NBPF26: variants seen among roughly 807,000 people sequenced by gnomAD.
NBPF26 encodes the protein NBPF member 26.
In NBPF26, 79 loss-of-function variants were observed where a neutral mutation model predicts 119.6. That is an observed-to-expected ratio of 0.66 (90% CI 0.55 to 0.80). The LOEUF (loss-of-function observed/expected upper bound fraction) is 0.80, where lower values mean the gene tolerates loss of function less well. Among genes scored for constraint, NBPF26 ranks in the 30% least tolerant of loss-of-function variants. The pLI is 0.00. For missense variants in NBPF26, 800 were observed against 1,198.2 expected (o/e 0.67, Z 4.91); for synonymous variants, 299 against 457.7 (o/e 0.65, Z 4.43).
downstream of NBPF26, chr1:120,840,741 A>G (rs1234993145): frequency 1.7e-6 from 2 of 1,156,182 alleles, no homozygotes; most frequent in Non-Finnish European, 1.2e-6. Context: ...AAACCATGCC[A>G]GTGGCAACCT....
At chr1:120,823,743 G>A (rs1455474529) in intron 17 of NBPF26, among the ~76,000 whole-genome samples, 1 of 43,736 alleles carries the variant, frequency 2.3e-5, no homozygotes. Context: ...CCAATTCACT[G>A]AGCTCGCTCT....
chr1:120,818,016 C>T, intron 14 of NBPF26, 107 bp from the exon 15 acceptor site: 1 of 496,474 alleles, frequency 2.0e-6, no homozygotes, highest in Non-Finnish European at 3.4e-6. Flanking sequence ...AATCCTTATT[C>T]TTGCACTGAG....
In NBPF26 at chr1:120,783,735, TA is replaced by T. The variant is rs1336817863; in HGVS notation, c.156-1236del. Reference sequence around the variant, plus strand: ...GAGAAAGAGCAGTGCAGTCCAGACTTAAACGTTAGGGTGGCCATAATATATG... The same window carrying T: ...GAGAAAGAGCAGTGCAGTCCAGACTTAACGTTAGGGTGGCCATAATATATG... On this transcript the variant is annotated intron_variant, in intron 2 of 29. Transcript: ENST00000620612. Among the ~76,000 whole-genome samples the T allele has an allele frequency of 3.4e-5, 4 of 117,270 alleles. 1 individual carries two copies. The highest frequency in any genetic ancestry group is 8.2e-5 in the Admixed American group (1 of 12,254). 76.9% of individuals were successfully genotyped at this position (117,270 alleles called of 152,430 possible).
intron 2 of NBPF26, among the ~76,000 whole-genome samples, chr1:120,769,578 T>A (rs1166538944): frequency 8.2e-6 from 1 of 122,488 alleles, no homozygotes; most frequent in Admixed American, 7.8e-5. Context: ...AAGAATGCTG[T>A]TTTTTTGGCT....
In NBPF26 at chr1:120,801,510, T is replaced by C. The variant is rs1382709584; in HGVS notation, c.752-4046T>C. On this transcript the variant is annotated intron_variant, in intron 4 of 29. Transcript: ENST00000620612. The stretch of plus-strand genomic sequence containing the variant: ...GGTGTCTTTCCACATCTCCATGCCT[T>C]GTATTTTCATTAAAAAAAAAAAAAA... Among the ~76,000 whole-genome samples, 33 of 70,550 alleles carry C rather than the reference T, an allele frequency of 4.7e-4. 3 individuals are homozygous for C. The highest frequency in any genetic ancestry group is 6.0e-4 in the Non-Finnish European group (23 of 38,542). The allele number at this position is 70,550 out of a possible 152,430, so 46.3% of individuals were successfully genotyped here. A position where few individuals can be genotyped will look rare whatever the true frequency, so the allele number is the denominator to read the frequency against.
intron 5 of NBPF26, 47 bp downstream of exon 5, chr1:120,805,812 G>A (rs1553269827): frequency 1.6e-6 from 2 of 1,260,426 alleles, no homozygotes; most frequent in Non-Finnish European, 2.2e-6. Flanking sequence ...ATGATATCCT[G>A]TCTTCTCTCT....
chr1:120,840,575 A>C lies in NBPF26; in HGVS notation c.4329A>C (p.Gly1443=), dbSNP rs1553273576. Residue 1443 remains glycine (G), a synonymous_variant, in exon 30 of 30, where the codon GGA becomes GGC. Transcript: ENST00000620612. ...GTCTCCACCTGGTGTTCCAGATGGG[A>C]GTCATATTCCCACAATAAGCAGCCC... The C allele has an allele frequency of 1.3e-5, 19 of 1,464,318 alleles. 4 individuals are homozygous for C. 90.7% of individuals were successfully genotyped at this position (1,464,318 alleles called of 1,614,324 possible).
chr1:120,730,642 G>A lies in NBPF26; in HGVS notation c.73+6392G>A, dbSNP rs1213388935. Among the ~76,000 whole-genome samples, 2 of 112,062 alleles carry A rather than the reference G, an allele frequency of 1.8e-5. 1 individual carries two copies. The highest frequency in any genetic ancestry group is 3.4e-5 in the Non-Finnish European group (2 of 59,606). 73.5% of individuals were successfully genotyped at this position (112,062 alleles called of 152,430 possible). On this transcript the variant is annotated intron_variant, in intron 1 of 29. Transcript: ENST00000620612. ...ATCTGTGTGGCAGAACATACATTGT[G>A]GTCTTAAAAAGGAGAGTAAAGCCAA...
rs1190542025 is a variant in NBPF26, at chr1:120,790,177, G to T, written c.416-2984G>T. The stretch of plus-strand genomic sequence containing the variant: ...ACTACAGGCACCTACCGCCATGCCC[G>T]GCTAATTTTTGTATTTTTAGTAGAG... On this transcript the variant is annotated intron_variant, in intron 3 of 29. Coordinates refer to ENST00000620612, the Ensembl canonical transcript of NBPF26. 2.1e-3 allele frequency among the ~76,000 whole-genome samples: 218 copies of T among 102,598 alleles called. 84 individuals are homozygous for T. Among genetic ancestry groups the T allele is most frequent in the African/African-American group, 0.014 (214 of 15,524 alleles). 67.3% of individuals were successfully genotyped at this position (102,598 alleles called of 152,430 possible). A position where few individuals can be genotyped will look rare whatever the true frequency, so the allele number is the denominator to read the frequency against.
chr1:120,756,007 G>A (rs1457739577), intron 1 of NBPF26, among the ~76,000 whole-genome samples: 6,068 of 104,712 alleles, frequency 0.058, 1,816 homozygotes, highest in African/African-American at 0.17. Flanking sequence ...TCTCCACTTC[G>A]TTTTTATTTA....
chr1:120,805,404 T>A, intron 4 of NBPF26, 152 bp from the exon 5 acceptor site: 1 of 1,221,636 alleles, frequency 8.2e-7, no homozygotes, highest in South Asian at 1.4e-5. Flanking sequence ...CTTGTTTTTG[T>A]GGTGAAGGAT....
chr1:120,758,549 A>G (rs1651100343), intron 1 of NBPF26, among the ~76,000 whole-genome samples: 1 of 102,566 alleles, frequency 9.7e-6, no homozygotes, highest in African/African-American at 6.3e-5. Flanking sequence ...TAAGAAAGAA[A>G]AGAAAAACCT....
At chr1:120,813,447 T>A (rs1480993454) in intron 10 of NBPF26, among the ~76,000 whole-genome samples, 2 of 127,724 alleles carry the variant, frequency 1.6e-5, no homozygotes, top group African/African-American at 7.4e-5. Flanking sequence ...TAAAAATCTT[T>A]CGCATACTTG....
Position 120,832,944 on chromosome 1 carries a change from GA to G in NBPF26, c.3336del (p.Glu1113LysfsTer43). On this transcript the variant is annotated frameshift_variant, in exon 23 of 30. Transcript: ENST00000620612. LOFTEE classifies it high-confidence loss of function. ...TCAAAGAAGGAAAGAAGAAGGGGAA[GA>G]AAAGAAGGGGAAGAAGATCAAAACC... 1 of 881,254 alleles carries G rather than the reference GA, an allele frequency of 1.1e-6. No individual in the cohort carries two copies. Among genetic ancestry groups the G allele is most frequent in the Non-Finnish European group, 1.8e-6 (1 of 571,148 alleles). The allele number at this position is 881,254 out of a possible 1,614,324, so 54.6% of individuals were successfully genotyped here.
At chr1:120,823,633 A>G (rs1473837561) in intron 17 of NBPF26, among the ~76,000 whole-genome samples, 1 of 125,164 alleles carries the variant, frequency 8.0e-6, no homozygotes, top group East Asian at 2.0e-4. Flanking sequence ...ATTTTACGCA[A>G]AATTATTGAG....
rs1371249204 is a variant in NBPF26 at position 120,768,008 on chromosome 1, G to T, written c.155+4299G>T. ...CTTCCCTTTACTTTACACATGTATG[G>T]TAGTTTTACATTACTTACTGGACAT... On this transcript the variant is annotated intron_variant, in intron 2 of 29. Coordinates refer to ENST00000620612, the Ensembl canonical transcript of NBPF26. 5.3e-5 allele frequency among the ~76,000 whole-genome samples: 6 copies of T among 112,618 alleles called. 1 individual carries two copies. The highest frequency in any genetic ancestry group is 5.1e-4 in the Admixed American group (6 of 11,758). The allele number at this position is 112,618 out of a possible 152,430, so 73.9% of individuals were successfully genotyped here. A position where few individuals can be genotyped will look rare whatever the true frequency, so the allele number is the denominator to read the frequency against.
intron 5 of NBPF26, among the ~76,000 whole-genome samples, chr1:120,807,264 G>C (rs1272028992): frequency 7.9e-6 from 1 of 126,600 alleles, no homozygotes; most frequent in Non-Finnish European, 1.6e-5. Flanking sequence ...TCATGCCCCA[G>C]TGCAGTGTTT....
intron 3 of NBPF26, among the ~76,000 whole-genome samples, chr1:120,789,497 A>G (rs1222482853): frequency 2.6e-5 from 3 of 113,650 alleles, no homozygotes; most frequent in Admixed American, 2.6e-4. Context: ...GAAGAAGCAA[A>G]AGCAGAACCC....
At position 120,805,772 on chromosome 1, in the gene NBPF26, T is replaced by C; in HGVS notation, c.961+7T>C. 2 of 1,371,558 alleles carry C rather than the reference T, an allele frequency of 1.5e-6. No individual in the cohort carries two copies. The highest frequency in any genetic ancestry group is 1.9e-5 in the Admixed American group (1 of 53,928). 85.0% of individuals were successfully genotyped at this position (1,371,558 alleles called of 1,614,324 possible). On this transcript the variant is annotated splice_region_variant and intron_variant, in intron 5 of 29. Transcript: ENST00000620612. ...AACCGACAGAAGAAATACAGTAAGA[T>C]CTATAGGCTCACCATCATGAAAGTG...
Sources: gnomAD v4.1 joint callset for allele counts (sites outside exome capture counted in the v4.1 genomes callset) on GRCh38, gnomAD v4.1.1 for gene constraint, MANE v1.5 for transcripts, NCBI Gene and HGNC (gene_info 2026-07-23, HGNC 2026-07-21) for gene names.